The following NNT variants were observed in gnomAD, a reference collection of about 807,000 sequenced individuals.
The protein encoded by NNT is NAD(P) transhydrogenase, mitochondrial.
A neutral mutation model predicts 104.8 loss-of-function variants in NNT; 50 were observed. The ratio of observed to expected loss-of-function variants is 0.48; its 90% confidence interval spans 0.38 to 0.60. The LOEUF is 0.60. Ranked by LOEUF, NNT falls within the 20% of genes least tolerant of loss-of-function variation. The pLI is 0.00. For missense variants in NNT, 1,131 were observed against 1,330.7 expected, an observed-to-expected ratio of 0.85 and a Z score of 2.33; for synonymous variants, 461 against 490.4, an observed-to-expected ratio of 0.94 and a Z score of 0.79.
chr5:43,694,040 G>A lies in NNT; in HGVS notation c.2877-6079G>A, dbSNP rs187033149. Among the ~76,000 whole-genome samples the A allele has an allele frequency of 5.8e-4, 89 of 152,230 alleles. No homozygotes were observed. The Middle Eastern group carries it at 0.024, about 41-fold the overall frequency. On this transcript the variant is annotated intron_variant, in intron 19 of 21. Coordinates refer to ENST00000344920, the MANE Select transcript of NNT (RefSeq NM_182977.3). ...AAGCTTATAAAACCCATGGAATTTC[G>A]TAATGTGGAATTTTGTAATGTTCCT...
At position 43,704,565 on chromosome 5, in the gene NNT, A is replaced by G; in HGVS notation, c.*161A>G. On this transcript the variant is annotated 3_prime_UTR_variant, in exon 22 of 22. Transcript: ENST00000344920. Reference sequence around the variant, plus strand: ...CAAAAACTGTATAGAGAGATTTTTCAAAAGCAGTAATCCCTCAATTTTAAA... The same window carrying G: ...CAAAAACTGTATAGAGAGATTTTTCGAAAGCAGTAATCCCTCAATTTTAAA... The G allele has an allele frequency of 1.7e-6, 1 of 581,484 alleles. No homozygotes were observed. The highest frequency in any genetic ancestry group is 2.8e-6 in the Non-Finnish European group (1 of 359,164). The allele number at this position is 581,484 out of a possible 1,614,324, so 36.0% of individuals were successfully genotyped here.
At chr5:43,667,173 A>G in intron 17 of NNT, 1 of 1,475,396 alleles carries the variant, frequency 6.8e-7, no homozygotes. Context: ...GTTTCTTGAT[A>G]CCATTTCTGT....
chr5:43,658,928 A>G (rs1348676752), intron 16 of NNT, among the ~76,000 whole-genome samples: 3 of 152,086 alleles, frequency 2.0e-5, no homozygotes, highest in East Asian at 3.9e-4. Context: ...CCTGCTTTTC[A>G]TCACTGAAAA....
chr5:43,684,885 T>C (rs1375085758), intron 19 of NNT, among the ~76,000 whole-genome samples: 2 of 152,304 alleles, frequency 1.3e-5, no homozygotes, highest in African/African-American at 4.8e-5. Context: ...AAAAAAATAC[T>C]GAATATAGTA....
At chr5:43,700,023 C>T in intron 19 of NNT, 96 bp from the exon 20 acceptor site, 1 of 869,726 alleles carries the variant, frequency 1.1e-6, no homozygotes, top group Middle Eastern at 2.3e-4. Flanking sequence ...AGCAGAGGTG[C>T]CAAGAACAAA....
intron 3 of NNT, among the ~76,000 whole-genome samples, chr5:43,615,561 T>C (rs929252789): frequency 1.3e-5 from 2 of 152,194 alleles, no homozygotes; most frequent in Non-Finnish European, 2.9e-5. Flanking sequence ...CTTCCATATA[T>C]TTTTTCACCT....
intron 17 of NNT, chr5:43,666,761 A>T (rs1740719802): frequency 7.9e-7 from 1 of 1,270,348 alleles, no homozygotes; most frequent in Non-Finnish European, 1.1e-6. Context: ...GTTGGCAGAG[A>T]TATCTACTCT....
chr5:43,688,253 T>C (rs1269832160), intron 19 of NNT, among the ~76,000 whole-genome samples: 1 of 152,058 alleles, frequency 6.6e-6, no homozygotes, highest in East Asian at 1.9e-4. Context: ...AGGGTCATTA[T>C]AAGAGGGAGG....
intron 1 of NNT, among the ~76,000 whole-genome samples, chr5:43,603,978 CCAATCGGCTT>C (rs1291473077): frequency 6.6e-6 from 1 of 152,102 alleles, no homozygotes; most frequent in African/African-American, 2.4e-5. Context: ...GCAGCCGTGG[CCAATCGGCTT>C]CCTAGGGAGG....
chr5:43,638,282 G>A (rs1010209180), intron 7 of NNT, among the ~76,000 whole-genome samples: 12 of 152,032 alleles, frequency 7.9e-5, no homozygotes, highest in African/African-American at 2.7e-4. Flanking sequence ...TTATAGCAGC[G>A]TGAGATCAGA....
intron 17 of NNT, among the ~76,000 whole-genome samples, chr5:43,672,881 G>A (rs556690288): frequency 5.9e-5 from 9 of 152,222 alleles, no homozygotes; most frequent in Non-Finnish European, 1.2e-4. Flanking sequence ...TGCCCCCAGA[G>A]GTGGAGTCTA....
intron 19 of NNT, among the ~76,000 whole-genome samples, chr5:43,687,192 A>C (rs1742033054): frequency 6.6e-6 from 1 of 152,150 alleles, no homozygotes; most frequent in Non-Finnish European, 1.5e-5. Flanking sequence ...TAAGAAGTAG[A>C]TGCATAAAGG....
chr5:43,685,592 A>G (rs938370485), intron 19 of NNT, among the ~76,000 whole-genome samples: 17 of 152,186 alleles, frequency 1.1e-4, no homozygotes, highest in African/African-American at 3.1e-4. Flanking sequence ...AATTGTACTT[A>G]CAGTTTCTTT....
At chr5:43,695,339 C>T (rs10512834) in intron 19 of NNT, among the ~76,000 whole-genome samples, 351 of 152,196 alleles carry the variant, frequency 2.3e-3, no homozygotes, top group African/African-American at 8.1e-3. Flanking sequence ...GGCTTGCCAA[C>T]AGTTCTTGTG....
intron 17 of NNT, among the ~76,000 whole-genome samples, chr5:43,661,726 C>A (rs6873634): frequency 6.6e-6 from 1 of 151,676 alleles, no homozygotes; most frequent in Non-Finnish European, 1.5e-5. Flanking sequence ...CATGTCCCTA[C>A]GAAGGACATG....
intron 17 of NNT, among the ~76,000 whole-genome samples, chr5:43,669,634 C>T (rs1292455860): frequency 2.0e-5 from 3 of 152,086 alleles, no homozygotes; most frequent in African/African-American, 7.2e-5. Context: ...ATGAAGCCCA[C>T]TTGATCATGG....
chr5:43,629,058 A>T (rs1312248870), intron 7 of NNT, among the ~76,000 whole-genome samples: 1 of 152,066 alleles, frequency 6.6e-6, no homozygotes, highest in African/African-American at 2.4e-5. Flanking sequence ...TTGGTTGCAT[A>T]GAAAAGTTCT....
At chr5:43,648,133 C>T in intron 10 of NNT, 1 of 1,177,862 alleles carries the variant, frequency 8.5e-7, no homozygotes, top group Non-Finnish European at 1.1e-6. Context: ...AACTCTCTCA[C>T]CAGATGGTTA....
chr5:43,665,835 G>A (rs1740626301), intron 17 of NNT, among the ~76,000 whole-genome samples: 2 of 150,876 alleles, frequency 1.3e-5, no homozygotes, highest in African/African-American at 2.4e-5. Context: ...CCTGGACGGG[G>A]TGGCTGGCCG....
Sources: allele counts gnomAD v4.1 joint callset (sites outside exome capture counted in the v4.1 genomes callset), GRCh38; gene constraint gnomAD v4.1.1; transcripts MANE v1.5; gene names NCBI Gene and HGNC (gene_info 2026-07-23, HGNC 2026-07-21).